MYO5A: variants seen among roughly 807,000 people sequenced by gnomAD.
The protein encoded by MYO5A is myosin VA.
Under a neutral mutation model 249.7 loss-of-function variants are expected in MYO5A, and 98 were observed. The ratio of observed to expected loss-of-function variants is 0.39; its 90% CI spans 0.33 to 0.46. The LOEUF (loss-of-function observed/expected upper bound fraction) is 0.46, where lower values mean the gene tolerates loss of function less well. MYO5A is among the 20% of genes least tolerant of loss of function. The pLI, the probability that MYO5A is intolerant of heterozygous loss-of-function variation, is 0.98. For synonymous variants in MYO5A, 778 were observed against 810.6 expected, an observed-to-expected ratio of 0.96 and a Z score of 0.68; for missense variants, 1,696 against 2,308.8, an observed-to-expected ratio of 0.73 and a Z score of 5.44.
intron 12 of MYO5A, 32 bp from the exon 13 acceptor site, chr15:52,389,395 C>CAA: frequency 6.2e-7 from 1 of 1,602,462 alleles, no homozygotes; most frequent in East Asian, 2.2e-5. Flanking sequence ...AGAAAGAAAA[C>CAA]AAGGTAAATA....
chr15:52,466,753 C>T (rs1034970383), intron 1 of MYO5A, among the ~76,000 whole-genome samples: 1 of 152,184 alleles, frequency 6.6e-6, no homozygotes, highest in African/African-American at 2.4e-5. Context: ...GCTTTGCCCC[C>T]CACTCCAAGA....
intron 36 of MYO5A, among the ~76,000 whole-genome samples, chr15:52,326,667 C>A (rs1248557881): frequency 6.6e-6 from 1 of 152,088 alleles, no homozygotes; most frequent in Non-Finnish European, 1.5e-5. Flanking sequence ...ACACTTAATG[C>A]CACGTAACTG....
intron 1 of MYO5A, among the ~76,000 whole-genome samples, chr15:52,518,636 G>A (rs2077546409): frequency 6.6e-6 from 1 of 152,136 alleles, no homozygotes; most frequent in Admixed American, 6.5e-5. Flanking sequence ...AGTACTGGCA[G>A]AAAAGTGTTT....
intron 2 of MYO5A, among the ~76,000 whole-genome samples, chr15:52,432,391 C>T (rs1223186678): frequency 6.6e-6 from 1 of 152,252 alleles, no homozygotes; most frequent in South Asian, 2.1e-4. Context: ...CAGTGGATAA[C>T]ATGGCAGACA....
At chr15:52,384,433 C>CAGTG in intron 14 of MYO5A, 111 bp from the exon 15 acceptor site, 1 of 1,098,408 alleles carries the variant, frequency 9.1e-7, no homozygotes, top group East Asian at 2.5e-5. Context: ...CTGTCAGAGT[C>CAGTG]ACACTCCAGA....
chr15:52,395,668 AC>A (rs906402374), intron 11 of MYO5A, among the ~76,000 whole-genome samples: 19 of 152,148 alleles, frequency 1.2e-4, no homozygotes, highest in African/African-American at 4.3e-4. Context: ...AGGGAGGTCA[AC>A]TAACTTGCCC....
chr15:52,352,813 T>G (rs2040023875), intron 27 of MYO5A, among the ~76,000 whole-genome samples: 1 of 151,952 alleles, frequency 6.6e-6, no homozygotes, highest in Non-Finnish European at 1.5e-5. Context: ...AAAAAAAAAC[T>G]ATTTAAAGTC....
chr15:52,414,046 G>A (rs2043364279), intron 5 of MYO5A, among the ~76,000 whole-genome samples: 1 of 152,134 alleles, frequency 6.6e-6, no homozygotes, highest in South Asian at 2.1e-4. Flanking sequence ...GAGGTGTTTT[G>A]GTCATGGGGA....
Position 52,507,803 on chromosome 15 carries a change from C to CA in MYO5A, c.27+20976_27+20977insT, listed in dbSNP as rs146846192. 1.5e-4 allele frequency among the ~76,000 whole-genome samples: 19 copies of CA among 127,156 alleles called. 1 individual carries two copies. Among genetic ancestry groups the CA allele is most frequent in the South Asian group, 2.4e-4 (1 of 4,100 alleles). The allele number at this position is 127,156 out of a possible 152,430, so 83.4% of individuals were successfully genotyped here. On this transcript the variant is annotated intron_variant, in intron 1 of 41. Transcript: ENST00000399233. ...TGAGCAACAGAATGAGACCCTGTCC[C>CA]CAAAAAAAAAAAAAAAAAGTGTAAT...
intron 36 of MYO5A, among the ~76,000 whole-genome samples, chr15:52,325,380 T>C (rs988040413): frequency 7.9e-5 from 12 of 151,208 alleles, no homozygotes; most frequent in African/African-American, 2.9e-4. Context: ...TTTTCATTAG[T>C]GGGCTCTAGG....
intron 1 of MYO5A, among the ~76,000 whole-genome samples, chr15:52,440,803 ATG>A (rs1217051949): frequency 6.6e-6 from 1 of 152,204 alleles, no homozygotes; most frequent in Non-Finnish European, 1.5e-5. Flanking sequence ...TTTGACCCAT[ATG>A]ATCTTCTCTC....
intron 4 of MYO5A, among the ~76,000 whole-genome samples, chr15:52,423,060 T>C (rs1322924489): frequency 1.3e-5 from 2 of 152,104 alleles, no homozygotes; most frequent in South Asian, 2.1e-4. Context: ...CTTCGTGGGG[T>C]AGGAATTCCT....
intron 33 of MYO5A, 36 bp from the exon 34 acceptor site, chr15:52,336,592 G>C: frequency 6.9e-7 from 1 of 1,442,278 alleles, no homozygotes; most frequent in Non-Finnish European, 9.6e-7. Flanking sequence ...TAGAAAAATC[G>C]AAACAGGCCT....
intron 9 of MYO5A, among the ~76,000 whole-genome samples, chr15:52,402,345 G>C (rs570618287): frequency 1.3e-5 from 2 of 152,252 alleles, no homozygotes; most frequent in Admixed American, 6.5e-5. Context: ...TGGAGTGGGT[G>C]GTGGGCAAAT....
At chr15:52,424,992 T>C (rs1217033897) in intron 4 of MYO5A, among the ~76,000 whole-genome samples, 1 of 152,218 alleles carries the variant, frequency 6.6e-6, no homozygotes, top group Non-Finnish European at 1.5e-5. Flanking sequence ...TGGTAGTGTA[T>C]GCCTGCAGTA....
chr15:52,324,823 CTT>C (rs1411889424), intron 36 of MYO5A, among the ~76,000 whole-genome samples: 1 of 151,920 alleles, frequency 6.6e-6, no homozygotes, highest in Non-Finnish European at 1.5e-5. Context: ...CCTAAAAAGA[CTT>C]TAAGAAAAAA....
At chr15:52,369,861 C>T (rs1417373002) in intron 22 of MYO5A, among the ~76,000 whole-genome samples, 1 of 142,912 alleles carries the variant, frequency 7.0e-6, no homozygotes, top group Non-Finnish European at 1.5e-5. Context: ...GTCTATGCCC[C>T]AGACTGACTT....
intron 37 of MYO5A, among the ~76,000 whole-genome samples, 182 bp downstream of exon 37, chr15:52,323,173 A>G (rs2038414001): frequency 6.6e-6 from 1 of 152,248 alleles, no homozygotes; most frequent in Non-Finnish European, 1.5e-5. Context: ...GTAAAGAAGA[A>G]ACTGTCATTC....
At chr15:52,398,425 A>G (rs1185501249) in intron 9 of MYO5A, among the ~76,000 whole-genome samples, 1 of 152,182 alleles carries the variant, frequency 6.6e-6, no homozygotes, top group Non-Finnish European at 1.5e-5. Flanking sequence ...GAGGGTGAAC[A>G]TTGTCTCTGG....
Sources: gnomAD v4.1 joint callset for allele counts (sites outside exome capture counted in the v4.1 genomes callset) on GRCh38, gnomAD v4.1.1 for gene constraint, MANE v1.5 for transcripts, NCBI Gene and HGNC (gene_info 2026-07-23, HGNC 2026-07-21) for gene names.